KCNQ5: variants seen among roughly 807,000 people sequenced by gnomAD.
KCNQ5 encodes the protein potassium voltage-gated channel subfamily KQT member 5.
KCNQ5 carries 30 observed loss-of-function variants against 98.2 expected under a neutral mutation model. The ratio of observed to expected loss-of-function variants is 0.31; its 90% confidence interval spans 0.23 to 0.41. The LOEUF is 0.41. KCNQ5 is among the 10% of genes least tolerant of loss of function. The probability of loss-of-function intolerance (pLI) is 1.00; values close to 1 mark genes in which losing one functional copy is unlikely to be tolerated. For synonymous variants in KCNQ5, 458 were observed against 449.4 expected (o/e 1.02, Z -0.24); for missense variants, 835 against 1,182.5 (o/e 0.71, Z 4.31).
chr6:73,129,771 G>A (rs1339181023), intron 9 of KCNQ5: 1 of 1,603,590 alleles, frequency 6.2e-7, no homozygotes, highest in African/African-American at 1.3e-5. Flanking sequence ...GTAATGTGCT[G>A]CTCTATTTCC....
intron 1 of KCNQ5, among the ~76,000 whole-genome samples, chr6:73,000,469 G>GA (rs891712443): frequency 3.3e-5 from 5 of 151,950 alleles, no homozygotes; most frequent in African/African-American, 1.2e-4. Context: ...TTTCTAGGGG[G>GA]AAAAAAATAC....
chr6:72,940,884 G>T (rs1469976594), intron 1 of KCNQ5, among the ~76,000 whole-genome samples: 1 of 152,030 alleles, frequency 6.6e-6, no homozygotes, highest in Non-Finnish European at 1.5e-5. Flanking sequence ...AGAAATAGCT[G>T]GCATATGATA....
At chr6:72,719,976 T>A (rs528799973) in intron 1 of KCNQ5, among the ~76,000 whole-genome samples, 1 of 152,242 alleles carries the variant, frequency 6.6e-6, no homozygotes, top group Non-Finnish European at 1.5e-5. Flanking sequence ...CTATGCCTGA[T>A]ATGTACACTA....
intron 3 of KCNQ5, among the ~76,000 whole-genome samples, chr6:73,063,724 TA>T (rs776027206): frequency 0.04 from 3,845 of 95,388 alleles, 74 homozygotes; most frequent in African/African-American, 0.045. Flanking sequence ...AGATAGATGA[TA>T]GATAGATAGA....
At position 72,622,633 on chromosome 6, in the gene KCNQ5, TC is replaced by T; in HGVS notation, c.398+49del. 1 of 1,602,768 alleles carries T rather than the reference TC, an allele frequency of 6.2e-7. No individual in the cohort carries two copies. Among genetic ancestry groups the T allele is most frequent in the Non-Finnish European group, 8.5e-7 (1 of 1,174,496 alleles). The stretch of plus-strand genomic sequence containing the variant: ...CTATGCCCGCTGCAGGGGACCACTG[TC>T]CCTGGCCCCCTGGGGCGTGCTCCGC... On this transcript the variant is annotated intron_variant, in intron 1 of 13. Coordinates refer to ENST00000370398, the MANE Select transcript of KCNQ5 (RefSeq NM_019842.4). The surrounding 1 kb of genome is among the most constrained non-coding windows in gnomAD (Gnocchi z 6.0).
intron 10 of KCNQ5, among the ~76,000 whole-genome samples, chr6:73,145,855 C>T (rs886313123): frequency 6.6e-6 from 1 of 152,112 alleles, no homozygotes; most frequent in South Asian, 2.1e-4. Flanking sequence ...TGGGATGCCT[C>T]AAGAAACTTA....
At chr6:72,623,999 C>G (rs569775277) in intron 1 of KCNQ5, among the ~76,000 whole-genome samples, 1 of 152,296 alleles carries the variant, frequency 6.6e-6, no homozygotes, top group South Asian at 2.1e-4. Context: ...CTGTGGGGCT[C>G]TGGTGTCTGG....
chr6:72,945,640 G>A (rs1766508059), intron 1 of KCNQ5, among the ~76,000 whole-genome samples: 1 of 151,904 alleles, frequency 6.6e-6, no homozygotes, highest in Non-Finnish European at 1.5e-5. Context: ...TTTTTTAGTA[G>A]AGACAGGTTT....
rs540222001 is a variant in KCNQ5, at chr6:72,904,208, G to A, written c.399-99700G>A. 2.0e-4 allele frequency among the ~76,000 whole-genome samples: 31 copies of A among 152,258 alleles called. 1 individual carries two copies. In the South Asian group the frequency reaches 6.2e-3, roughly 31 times the overall value. On this transcript the variant is annotated intron_variant, in intron 1 of 13. Transcript: ENST00000370398. ...CTTTTGGTGTCCATTTGCATGAAAT[G>A]CCTTTTTCCACCCCTTTCCTTTAAG...
intron 1 of KCNQ5, among the ~76,000 whole-genome samples, chr6:72,992,800 G>C (rs1769107979): frequency 9.1e-6 from 1 of 109,644 alleles, no homozygotes; most frequent in Admixed American, 9.2e-5. Context: ...GCTGGTACCG[G>C]TTGTTCCTTT....
At chr6:73,094,476 T>C (rs1774396446) in intron 5 of KCNQ5, among the ~76,000 whole-genome samples, 1 of 152,138 alleles carries the variant, frequency 6.6e-6, no homozygotes, top group Non-Finnish European at 1.5e-5. Context: ...TTTTTGTTTT[T>C]TGTTTTTGTT....
chr6:73,044,012 G>T (rs550131981), intron 3 of KCNQ5, among the ~76,000 whole-genome samples: 1 of 152,184 alleles, frequency 6.6e-6, no homozygotes, highest in Non-Finnish European at 1.5e-5. Flanking sequence ...GATGCCTGGC[G>T]CAGTCACTCC....
intron 11 of KCNQ5, among the ~76,000 whole-genome samples, chr6:73,178,508 C>A (rs1778298049): frequency 6.7e-6 from 1 of 149,988 alleles, no homozygotes; most frequent in Admixed American, 6.7e-5. Flanking sequence ...ATTAGGAGAA[C>A]AAGTCTACTC....
chr6:72,830,755 A>T lies in KCNQ5; in HGVS notation c.399-173153A>T, dbSNP rs567888498. Reference sequence around the variant, plus strand: ...CAAATGTGATCTAATTAAACTAAAGAGCTTCTGCACAGCAAGGAAACTACC... The same window carrying T: ...CAAATGTGATCTAATTAAACTAAAGTGCTTCTGCACAGCAAGGAAACTACC... On this transcript the variant is annotated intron_variant, in intron 1 of 13. Coordinates refer to ENST00000370398, the MANE Select transcript of KCNQ5 (RefSeq NM_019842.4). Among the ~76,000 whole-genome samples, 4 of 152,344 alleles carry T rather than the reference A, an allele frequency of 2.6e-5. No individual in the cohort carries two copies. The South Asian group carries it at 8.3e-4, about 32-fold the overall frequency.
chr6:73,168,672 A>G (rs1300426691), intron 10 of KCNQ5, among the ~76,000 whole-genome samples: 1 of 151,860 alleles, frequency 6.6e-6, no homozygotes, highest in African/African-American at 2.4e-5. Flanking sequence ...AGATCGCACC[A>G]CTGCACTCCA....
At chr6:73,079,671 TTAA>T in intron 5 of KCNQ5, among the ~76,000 whole-genome samples, 1 of 152,364 alleles carries the variant, frequency 6.6e-6, no homozygotes, top group Middle Eastern at 3.4e-3. Context: ...TTCCGTTGGT[TTAA>T]TAATGTGGTT....
At chr6:73,036,385 CAAAAAAAAAAAAAA>C (rs70994156) in intron 2 of KCNQ5, among the ~76,000 whole-genome samples, 1 of 78,552 alleles carries the variant, frequency 1.3e-5, no homozygotes, top group Non-Finnish European at 2.3e-5. Context: ...GACTCTGTCT[CAAAAAAAAAAAAAA>C]AAAAAAAAAA....
chr6:72,732,989 G>C (rs771244369), intron 1 of KCNQ5, among the ~76,000 whole-genome samples: 1 of 152,172 alleles, frequency 6.6e-6, no homozygotes, highest in Non-Finnish European at 1.5e-5. Flanking sequence ...ATAAAGAAGT[G>C]AAAACAGGAA....
intron 1 of KCNQ5, among the ~76,000 whole-genome samples, chr6:72,653,142 A>G (rs1765959995): frequency 6.6e-6 from 1 of 151,764 alleles, no homozygotes; most frequent in African/African-American, 2.4e-5. Context: ...TCGTTATAAT[A>G]TGTTTCACTT....
Sources: gnomAD v4.1 joint callset for allele counts (sites outside exome capture counted in the v4.1 genomes callset) on GRCh38, gnomAD v4.1.1 for gene constraint, Gnocchi (gnomAD v3.1) non-coding constraint, MANE v1.5 for transcripts, NCBI Gene and HGNC (gene_info 2026-07-23, HGNC 2026-07-21) for gene names.